Variants in EXOC4 observed in about 807,000 individuals in gnomAD.
EXOC4 encodes the protein exocyst complex component 4.
In EXOC4, 71 loss-of-function variants were observed where a neutral mutation model predicts 107.2. That is an observed-to-expected ratio of 0.66 (90% CI 0.55 to 0.81). The LOEUF is 0.81. Among genes scored for constraint, EXOC4 ranks in the 30% least tolerant of loss-of-function variants. The pLI, the probability that EXOC4 is intolerant of heterozygous loss-of-function variation, is 0.00. For missense variants in EXOC4, 1,108 were observed against 1,189.6 expected (o/e 0.93, Z 1.01); for synonymous variants, 456 against 441.2 (o/e 1.03, Z -0.42).
rs777364451 is a variant in EXOC4 at position 133,336,335 on chromosome 7, G to C, written c.763+18945G>C. Among the ~76,000 whole-genome samples, 75 of 152,254 alleles carry C rather than the reference G, an allele frequency of 4.9e-4. 1 individual carries two copies. Among genetic ancestry groups the C allele is most frequent in the Admixed American group, 9.8e-4 (15 of 15,292 alleles). On this transcript the variant is annotated intron_variant, in intron 5 of 17. Coordinates refer to ENST00000253861, the MANE Select transcript of EXOC4 (RefSeq NM_021807.4). ...GTTTTAGGCCTTATGTTTAGGTCTTGATCCATTTTGGGTTACTTTTTGTGT... is the reference window on the plus strand; with the variant it reads ...GTTTTAGGCCTTATGTTTAGGTCTTCATCCATTTTGGGTTACTTTTTGTGT...
chr7:134,006,955 C>T (rs1357286362), intron 16 of EXOC4, among the ~76,000 whole-genome samples: 7 of 152,102 alleles, frequency 4.6e-5, no homozygotes, highest in African/African-American at 1.7e-4. Flanking sequence ...ATAAGACAAC[C>T]CTCCAGACCT....
chr7:134,096,750 A>G, the EXOC4 span, among the ~76,000 whole-genome samples: 2 of 152,168 alleles, frequency 1.3e-5, no homozygotes, highest in Non-Finnish European at 2.9e-5. Flanking sequence ...CAGCAAATCA[A>G]GTGCTCCCAC....
At chr7:133,261,774 C>T (rs1795158454) in intron 1 of EXOC4, among the ~76,000 whole-genome samples, 1 of 152,106 alleles carries the variant, frequency 6.6e-6, no homozygotes, top group Non-Finnish European at 1.5e-5. Flanking sequence ...TTGAGTATTC[C>T]ACTCAGTACC....
intron 10 of EXOC4, among the ~76,000 whole-genome samples, chr7:133,740,940 T>C (rs1795551244): frequency 2.6e-5 from 4 of 152,188 alleles, no homozygotes; most frequent in Admixed American, 6.6e-5. Context: ...GGTTTCTGTC[T>C]GTTACAGTGA....
intron 7 of EXOC4, among the ~76,000 whole-genome samples, chr7:133,463,019 T>A (rs185256725): frequency 6.6e-6 from 1 of 152,164 alleles, no homozygotes; most frequent in East Asian, 1.9e-4. Flanking sequence ...TGGTAGCAGG[T>A]TGTGGGATAG....
At chr7:134,044,098 T>TG (rs1795589478) in intron 17 of EXOC4, among the ~76,000 whole-genome samples, 1 of 152,192 alleles carries the variant, frequency 6.6e-6, no homozygotes, top group East Asian at 1.9e-4. Flanking sequence ...ACCTTGCCAC[T>TG]GGGTGAAGCC....
chr7:133,882,075 A>G (rs1476924613), intron 11 of EXOC4, among the ~76,000 whole-genome samples: 2 of 152,090 alleles, frequency 1.3e-5, no homozygotes, highest in African/African-American at 4.8e-5. Context: ...CCTGATCTTG[A>G]CCTTCACATA....
intron 14 of EXOC4, among the ~76,000 whole-genome samples, chr7:133,983,418 A>G (rs1006254739): frequency 6.6e-6 from 1 of 152,232 alleles, no homozygotes; most frequent in Admixed American, 6.5e-5. Context: ...GAAAAAGTTA[A>G]GTTGAAGAGG....
chr7:133,576,787 A>G (rs1563113765), intron 9 of EXOC4: 5 of 1,289,368 alleles, frequency 3.9e-6, no homozygotes, highest in Non-Finnish European at 5.1e-6. Flanking sequence ...TTACACCCAG[A>G]CAGCCCTTCT....
intron 7 of EXOC4, among the ~76,000 whole-genome samples, chr7:133,442,360 G>A (rs992248974): frequency 6.6e-6 from 1 of 152,066 alleles, no homozygotes; most frequent in Non-Finnish European, 1.5e-5. Flanking sequence ...ATGATTGGTG[G>A]GATAATTTAT....
chr7:133,784,680 G>A (rs1585142900), intron 10 of EXOC4, among the ~76,000 whole-genome samples: 1 of 152,164 alleles, frequency 6.6e-6, no homozygotes, highest in Non-Finnish European at 1.5e-5. Flanking sequence ...AGAGAAAAGT[G>A]TTACTTGGTA....
intron 10 of EXOC4, among the ~76,000 whole-genome samples, chr7:133,735,302 T>C (rs1283387891): frequency 2.7e-5 from 4 of 150,536 alleles, no homozygotes; most frequent in Admixed American, 2.7e-4. Flanking sequence ...ATGTACATGT[T>C]GAAACATCAG....
chr7:133,582,631 T>C (rs1220401983), intron 9 of EXOC4, among the ~76,000 whole-genome samples: 2 of 152,134 alleles, frequency 1.3e-5, no homozygotes, highest in African/African-American at 4.8e-5. Context: ...AAGTTTTTCG[T>C]AATGTTGTTT....
intron 17 of EXOC4, among the ~76,000 whole-genome samples, chr7:134,059,847 T>C (rs1796015965): frequency 6.6e-6 from 1 of 152,176 alleles, no homozygotes; most frequent in African/African-American, 2.4e-5. Flanking sequence ...GGCCCATATA[T>C]TCTATATGGC....
At chr7:133,296,045 T>C (rs1159660283) in intron 3 of EXOC4, among the ~76,000 whole-genome samples, 1 of 152,182 alleles carries the variant, frequency 6.6e-6, no homozygotes, top group African/African-American at 2.4e-5. Flanking sequence ...TAGCCATTAC[T>C]AAAACCCATC....
At chr7:133,437,641 G>C (rs950038279) in intron 7 of EXOC4, among the ~76,000 whole-genome samples, 6 of 151,956 alleles carry the variant, frequency 3.9e-5, no homozygotes, top group Non-Finnish European at 5.9e-5. Flanking sequence ...TTATTTCCCC[G>C]TTTTTCTGTG....
chr7:134,015,282 T>A (rs190837019), intron 17 of EXOC4, among the ~76,000 whole-genome samples: 2 of 152,302 alleles, frequency 1.3e-5, no homozygotes, highest in African/African-American at 4.8e-5. Context: ...TTTACTTATT[T>A]GTTCCTCACC....
At chr7:133,331,976 G>C (rs1212370603) in intron 5 of EXOC4, among the ~76,000 whole-genome samples, 1 of 152,202 alleles carries the variant, frequency 6.6e-6, no homozygotes, top group Non-Finnish European at 1.5e-5. Context: ...TAGGTAGAAG[G>C]ATGGGAGAAG....
chr7:133,310,092 A>C (rs2150572950), intron 4 of EXOC4, among the ~76,000 whole-genome samples: 1 of 152,316 alleles, frequency 6.6e-6, no homozygotes, highest in South Asian at 2.1e-4. Context: ...ATGAGTGTGA[A>C]GTTTTGTTTT....
Sources: gnomAD v4.1 joint callset for allele counts (sites outside exome capture counted in the v4.1 genomes callset) on GRCh38, gnomAD v4.1.1 for gene constraint, MANE v1.5 for transcripts, NCBI Gene and HGNC (gene_info 2026-07-23, HGNC 2026-07-21) for gene names.